The following KAT8 variants were observed in gnomAD, a reference collection of about 807,000 sequenced individuals.
KAT8 encodes the protein histone acetyltransferase KAT8.
In KAT8, 40 loss-of-function variants were observed where a neutral mutation model predicts 62.9. That is an observed-to-expected ratio of 0.64 (90% CI 0.49 to 0.83). The LOEUF is 0.83. Among genes scored for constraint, KAT8 ranks in the 40% least tolerant of loss-of-function variants. The pLI, the probability that KAT8 is intolerant of heterozygous loss-of-function variation, is 0.00. For synonymous variants in KAT8, 278 were observed against 254.5 expected, an observed-to-expected ratio of 1.09 and a Z score of -0.88; for missense variants, 387 against 614.8, an observed-to-expected ratio of 0.63 and a Z score of 3.92.
At chr16:31,131,140 G>C in intron 10 of KAT8, 55 bp from the exon 11 acceptor site, 1 of 1,606,376 alleles carries the variant, frequency 6.2e-7, no homozygotes, top group Non-Finnish European at 8.5e-7. Flanking sequence ...GGGCAGCCAG[G>C]TGTGAGCTGG....
rs191354003 is a variant in KAT8 at position 31,118,036 on chromosome 16, C to T, written c.211+144C>T. On this transcript the variant is annotated intron_variant, in intron 1 of 10. Coordinates refer to ENST00000219797, the MANE Select transcript of KAT8 (RefSeq NM_032188.3). Reference sequence around the variant, plus strand: ...GGGGCGGGGCTTGAGGAAAGAACGCCGCGTTCCGGGCGCTGAGAAACCAGC... The same window carrying T: ...GGGGCGGGGCTTGAGGAAAGAACGCTGCGTTCCGGGCGCTGAGAAACCAGC... The T allele has an allele frequency of 3.1e-4, 199 of 632,676 alleles. No homozygotes were observed. In the African/African-American group the frequency reaches 3.2e-3, roughly 10 times the overall value. The allele number at this position is 632,676 out of a possible 1,614,324, so 39.2% of individuals were successfully genotyped here.
chr16:31,127,528 T>C (rs1264002748), intron 5 of KAT8, among the ~76,000 whole-genome samples, 175 bp downstream of exon 5: 1 of 152,170 alleles, frequency 6.6e-6, no homozygotes, highest in Non-Finnish European at 1.5e-5. Context: ...CTGGCTTTGC[T>C]GTTGCTGGCA....
rs1427225167 is a variant in KAT8 at position 31,120,048 on chromosome 16, AT to A, written c.212-136del. The A allele has an allele frequency of 4.3e-6, 3 of 697,726 alleles. No homozygotes were observed. The Admixed American group carries it at 6.8e-5, about 16-fold the overall frequency. 43.2% of individuals were successfully genotyped at this position (697,726 alleles called of 1,614,324 possible). A position where few individuals can be genotyped will look rare whatever the true frequency, so the allele number is the denominator to read the frequency against. ...GATCCACCTCACAGTTGTGGCAGTGATTGAGTAGAATGGCAGAGGTGGACCA... is the reference window on the plus strand; with the variant it reads ...GATCCACCTCACAGTTGTGGCAGTGATGAGTAGAATGGCAGAGGTGGACCA... On this transcript the variant is annotated intron_variant, in intron 1 of 10. Transcript: ENST00000219797.
At chr16:31,121,602 GAGTCTT>G (rs1373757373) in intron 3 of KAT8, among the ~76,000 whole-genome samples, 1 of 152,110 alleles carries the variant, frequency 6.6e-6, no homozygotes, top group Non-Finnish European at 1.5e-5. Flanking sequence ...TAAGAGACGG[GAGTCTT>G]GGTGTGTTGC....
intron 8 of KAT8, 30 bp from the exon 9 acceptor site, chr16:31,130,426 A>C: frequency 1.2e-6 from 2 of 1,614,032 alleles, no homozygotes; most frequent in Non-Finnish European, 1.7e-6. Flanking sequence ...GGCAGGCTGG[A>C]TCCTAAGTTC....
intron 3 of KAT8, chr16:31,120,762 C>T: frequency 2.2e-6 from 1 of 447,172 alleles, no homozygotes; most frequent in Non-Finnish European, 4.0e-6. Context: ...AGGCCTCCGG[C>T]ACTGGTAGCC....
chr16:31,131,201 C>T lies in KAT8; in HGVS notation c.1319C>T (p.Ser440Phe), dbSNP rs745659527. 4 of 1,614,090 alleles carry T rather than the reference C, an allele frequency of 2.5e-6. No homozygotes were observed. The highest frequency in any genetic ancestry group is 3.4e-6 in the Non-Finnish European group (4 of 1,179,956). Residue 440 changes from serine to phenylalanine, a missense_variant, in exon 11 of 11, where the codon TCC becomes TTC. By Grantham distance (155) the Ser-to-Phe change is radical (BLOSUM62 -2). Around this residue, in one of 6 missense-constraint regions of KAT8, gnomAD observed 75 missense variants for 105.7 expected, o/e 0.71. Coordinates refer to ENST00000219797, the MANE Select transcript of KAT8 (RefSeq NM_032188.3). Reference protein sequence around the residue: ...QYKKPPITVDSVCLKWAPPKH... With the variant: ...QYKKPPITVDFVCLKWAPPKH... ...CCGCCCCTTCTCCCCACAGTGGACT[C>T]CGTCTGCCTCAAGTGGGCACCCCCC...
chr16:31,122,505 C>G (rs2057503018), intron 3 of KAT8: 2 of 152,112 alleles, frequency 1.3e-5, no homozygotes, highest in Admixed American at 1.3e-4. Context: ...TGGAAATGTT[C>G]TATAGCTGTA....
In KAT8 at chr16:31,127,392, C is replaced by G. The variant is rs200555655; in HGVS notation, c.681+39C>G. 91 of 1,607,872 alleles carry G rather than the reference C, an allele frequency of 5.7e-5. No individual in the cohort carries two copies. The Admixed American group carries it at 1.5e-3, about 26-fold the overall frequency. ...GGCCGGGCCGAGCTGGGCAGGGGCC[C>G]GGTGAGAGGCAGAGGCAGGCATGGA... On this transcript the variant is annotated intron_variant, in intron 5 of 10. Coordinates refer to ENST00000219797, the MANE Select transcript of KAT8 (RefSeq NM_032188.3).
chr16:31,117,800 G>A lies in KAT8; in HGVS notation c.119G>A (p.Arg40His). The A allele has an allele frequency of 2.1e-6, 3 of 1,424,948 alleles. No individual in the cohort carries two copies. Among genetic ancestry groups the A allele is most frequent in the South Asian group, 1.4e-5 (1 of 70,838 alleles). 88.3% of individuals were successfully genotyped at this position (1,424,948 alleles called of 1,614,324 possible). ...GAGGGGACCGCCCCATCCCCGGGCC[G>A]CGTCTCTCCGCCGACCCCGGCGCGC... ...AAEGTAPSPG[R>H]VSPPTPARGE... The change falls in exon 1 of 11, where the codon CGC (arginine) becomes CAC (histidine). Residue 40 changes from arginine (R) to histidine (H), a missense_variant. By Grantham distance (29) the Arg-to-His change is conservative. This residue lies in a region of KAT8 where 92 missense variants were observed against 78.8 expected (regional missense o/e 1.17). Transcript: ENST00000219797.
At chr16:31,125,242 A>G (rs570275562) in intron 3 of KAT8, among the ~76,000 whole-genome samples, 4 of 152,022 alleles carry the variant, frequency 2.6e-5, no homozygotes, top group African/African-American at 9.6e-5. Flanking sequence ...CTTGGAATAA[A>G]TGGCAGCTCA....
At position 31,120,219 on chromosome 16, in the gene KAT8, A is replaced by T; in HGVS notation, c.245A>T (p.Asp82Val). Residue 82 changes from aspartate (D) to valine (V), a missense_variant, in exon 2 of 11, where the codon GAC becomes GTC. By Grantham distance (152) the Asp-to-Val change is radical (BLOSUM62 -3). Around this residue, in one of 6 missense-constraint regions of KAT8, gnomAD observed 69 missense variants for 127.0 expected, o/e 0.54. Transcript: ENST00000219797. ...GAAGTGATCCAGTCTCGAGTGAACG[A>T]CCAGGAGGGCCGAGAGGAATTCTAT... ...SAEVIQSRVN[D>V]QEGREEFYVH... 1 of 1,614,170 alleles carries T rather than the reference A, an allele frequency of 6.2e-7. No homozygotes were observed. The highest frequency in any genetic ancestry group is 8.5e-7 in the Non-Finnish European group (1 of 1,180,020).
chr16:31,130,034 G>A lies in KAT8; in HGVS notation c.789G>A (p.Leu263=), dbSNP rs1181224742. Residue 263 remains leucine, a synonymous_variant, in exon 7 of 11, where the codon CTG becomes CTA. Transcript: ENST00000219797. ...AACCCTAGATTTACTGTCAGAACCT[G>A]TGTCTGCTGGCCAAGCTTTTCCTGG... is the stretch of plus-strand genomic sequence containing the variant. The part of the protein sequence containing the change: ...GKDHKIYCQN[L]CLLAKLFLDH... 2 of 1,614,096 alleles carry A rather than the reference G, an allele frequency of 1.2e-6. No homozygotes were observed. The highest frequency in any genetic ancestry group is 1.7e-6 in the Non-Finnish European group (2 of 1,180,054).
At position 31,131,178 on chromosome 16, in the gene KAT8, G is replaced by A. The variant is rs2855478; in HGVS notation, c.1313-17G>A. On this transcript the variant is annotated splice_polypyrimidine_tract_variant and intron_variant, in intron 10 of 10. Transcript: ENST00000219797. ...TGGCCCAGGCCCAGCCCTGCCTCCC[G>A]CCCCTTCTCCCCACAGTGGACTCCG... 8.7e-6 allele frequency: 14 copies of A among 1,613,378 alleles called. No individual in the cohort carries two copies. The highest frequency in any genetic ancestry group is 1.7e-5 in the Admixed American group (1 of 59,954).
chr16:31,117,671 C>T lies in KAT8; in HGVS notation c.-11C>T. On this transcript the variant is annotated 5_prime_UTR_variant, in exon 1 of 11. Transcript: ENST00000219797. Reference sequence around the variant, plus strand: ...GTGGCGTCCGATTCTGGCGTCACTTCCCTTCCCGCGATGGCGGCACAGGGA... The same window carrying T: ...GTGGCGTCCGATTCTGGCGTCACTTTCCTTCCCGCGATGGCGGCACAGGGA... The T allele has an allele frequency of 1.4e-6, 2 of 1,387,604 alleles. No homozygotes were observed. Among genetic ancestry groups the T allele is most frequent in the Non-Finnish European group, 1.9e-6 (2 of 1,066,284 alleles). 86.0% of individuals were successfully genotyped at this position (1,387,604 alleles called of 1,614,324 possible). A position where few individuals can be genotyped will look rare whatever the true frequency, so the allele number is the denominator to read the frequency against.
intron 3 of KAT8, among the ~76,000 whole-genome samples, chr16:31,124,538 C>T (rs968294306): frequency 1.3e-5 from 2 of 152,032 alleles, no homozygotes; most frequent in African/African-American, 4.8e-5. Context: ...TGGAGGCCAG[C>T]ATGGCCAACA....
chr16:31,128,091 C>T lies in KAT8; in HGVS notation c.723C>T (p.Tyr241=), dbSNP rs1203710755. Residue 241 remains tyrosine, a synonymous_variant, in exon 6 of 11, where the codon TAC becomes TAT. Transcript: ENST00000219797. Reference sequence around the variant, plus strand: ...GGCAGCCCCCCGGGAAAGAGATCTACCGCAAGAGCAACATCTCCGTGTACG... The same window carrying T: ...GGCAGCCCCCCGGGAAAGAGATCTATCGCAAGAGCAACATCTCCGTGTACG... ...QWRQPPGKEI[Y]RKSNISVYEV... 6.2e-7 allele frequency: 1 copy of T among 1,614,014 alleles called. No homozygotes were observed. The highest frequency in any genetic ancestry group is 8.5e-7 in the Non-Finnish European group (1 of 1,179,988).
chr16:31,127,367 G>A lies in KAT8; in HGVS notation c.681+14G>A, dbSNP rs760213124. On this transcript the variant is annotated intron_variant, in intron 5 of 10. Coordinates refer to ENST00000219797, the MANE Select transcript of KAT8 (RefSeq NM_032188.3). ...CGCTTCCACTTGGTGAGGCTGGGCC[G>A]GCCGGGCCGAGCTGGGCAGGGGCCC... The A allele has an allele frequency of 1.9e-5, 30 of 1,613,270 alleles. No homozygotes were observed. In the Admixed American group the frequency reaches 3.8e-4, roughly 21 times the overall value.
rs200154884 is a variant in KAT8 at position 31,128,058 on chromosome 16, C to T, written c.690C>T (p.Cys230=). 1.2e-6 allele frequency: 2 copies of T among 1,613,644 alleles called. No individual in the cohort carries two copies. The highest frequency in any genetic ancestry group is 4.5e-5 in the East Asian group (2 of 44,876). Residue 230 remains cysteine, a synonymous_variant, in exon 6 of 11, where the codon TGC becomes TGT. Coordinates refer to ENST00000219797, the MANE Select transcript of KAT8 (RefSeq NM_032188.3). Reference sequence around the variant, plus strand: ...CTCTTGTCCCCGACCAGGGTCAGTGCCAGTGGCGGCAGCCCCCCGGGAAAG... The same window carrying T: ...CTCTTGTCCCCGACCAGGGTCAGTGTCAGTGGCGGCAGCCCCCCGGGAAAG... ...EKSYRFHLGQ[C]QWRQPPGKEI...
Sources: allele counts gnomAD v4.1 joint callset (sites outside exome capture counted in the v4.1 genomes callset), GRCh38; gene constraint gnomAD v4.1.1; regional missense constraint gnomAD v4.1.1; transcripts MANE v1.5; gene names NCBI Gene and HGNC (gene_info 2026-07-23, HGNC 2026-07-21).